STAU2: variants seen among roughly 807,000 people sequenced by gnomAD.
STAU2 encodes staufen double-stranded RNA binding protein 2.
Under a neutral mutation model 65.9 loss-of-function variants are expected in STAU2, and 20 were observed. The ratio of observed to expected loss-of-function variants is 0.30; its 90% CI spans 0.21 to 0.44. The LOEUF (loss-of-function observed/expected upper bound fraction) is 0.44, where lower values mean the gene tolerates loss of function less well. STAU2 is among the 20% of genes least tolerant of loss of function. STAU2 has a pLI of 1.00. For synonymous variants in STAU2, 232 were observed against 233.9 expected (o/e 0.99, Z 0.07); for missense variants, 558 against 683.9 (o/e 0.82, Z 2.05).
At chr8:73,688,526 G>A in intron 5 of STAU2, 128 bp downstream of exon 5, 3 of 761,398 alleles carry the variant, frequency 3.9e-6, no homozygotes, top group Non-Finnish European at 6.6e-6. Context: ...GTGTGTGTGT[G>A]TGTGTAGGTA....
At chr8:73,707,384 G>A (rs971358335) in intron 4 of STAU2, among the ~76,000 whole-genome samples, 30 of 152,214 alleles carry the variant, frequency 2.0e-4, no homozygotes, top group African/African-American at 7.2e-4. Context: ...GTAATGATAA[G>A]GTCAAGAATG....
At chr8:73,446,069 T>A (rs1818451029) in intron 13 of STAU2, among the ~76,000 whole-genome samples, 1 of 152,222 alleles carries the variant, frequency 6.6e-6, no homozygotes, top group Admixed American at 6.5e-5. Flanking sequence ...TGTGGTGGGT[T>A]ACAAATTGTG....
chr8:73,492,956 T>A (rs1439799037), intron 13 of STAU2, among the ~76,000 whole-genome samples: 4 of 151,784 alleles, frequency 2.6e-5, no homozygotes. Context: ...AAAGCTACAG[T>A]AGTAATAGCA....
intron 4 of STAU2, among the ~76,000 whole-genome samples, chr8:73,696,282 A>T (rs992454647): frequency 5.3e-5 from 8 of 152,160 alleles, no homozygotes; most frequent in Non-Finnish European, 7.3e-5. Context: ...ACAAACTCAG[A>T]CTCTGAAGAC....
At chr8:73,577,840 T>C (rs763685763) in intron 12 of STAU2, among the ~76,000 whole-genome samples, 2 of 152,236 alleles carry the variant, frequency 1.3e-5, no homozygotes, top group Non-Finnish European at 2.9e-5. Context: ...CATGATTTCT[T>C]ATCTGCTCTT....
chr8:73,688,693 C>T lies in STAU2; in HGVS notation c.235G>A (p.Val79Ile). 1.2e-6 allele frequency: 2 copies of T among 1,614,092 alleles called. No individual in the cohort carries two copies. The highest frequency in any genetic ancestry group is 2.2e-5 in the South Asian group (2 of 91,082). The change falls in exon 5 of 15, where the codon GTT becomes ATT. Residue 79 changes from valine to isoleucine, a missense_variant. Coordinates refer to ENST00000524300, the MANE Select transcript of STAU2 (RefSeq NM_001164380.2). ...ACATTACTTTTGGGTGGCTTCTGAA[C>T]TGGTTTGGGAAGCGTAGATTCAGTC... ...ALTESTLPKP[V>I]QKPPKSNVNN... is the part of the protein sequence containing the mutation.
chr8:73,475,107 T>C (rs1057275331), intron 13 of STAU2, among the ~76,000 whole-genome samples: 1 of 152,006 alleles, frequency 6.6e-6, no homozygotes, highest in Admixed American at 6.6e-5. Flanking sequence ...GTGGTGACCT[T>C]TGGGGAGAGG....
At chr8:73,597,526 C>T (rs1811285528) in intron 10 of STAU2, among the ~76,000 whole-genome samples, 1 of 150,160 alleles carries the variant, frequency 6.7e-6, no homozygotes, top group Non-Finnish European at 1.5e-5. Context: ...AAAAATTAGC[C>T]AGGCATGATG....
intron 6 of STAU2, among the ~76,000 whole-genome samples, chr8:73,668,027 T>C (rs1036866189): frequency 6.6e-6 from 1 of 152,190 alleles, no homozygotes; most frequent in Non-Finnish European, 1.5e-5. Flanking sequence ...AGGTTGGACA[T>C]ATAACCCAGG....
At chr8:73,739,313 T>A (rs1806666218) in intron 2 of STAU2, among the ~76,000 whole-genome samples, 1 of 150,070 alleles carries the variant, frequency 6.7e-6, no homozygotes, top group Non-Finnish European at 1.5e-5. Flanking sequence ...AATAAATAAA[T>A]CATGGGATCT....
At chr8:73,515,398 C>T (rs1458789526) in intron 13 of STAU2, among the ~76,000 whole-genome samples, 4 of 152,210 alleles carry the variant, frequency 2.6e-5, no homozygotes, top group Admixed American at 1.3e-4. Context: ...CTCTGGATTT[C>T]ATAATGGCTA....
intron 13 of STAU2, among the ~76,000 whole-genome samples, chr8:73,448,172 T>A (rs1026930325): frequency 3.3e-5 from 5 of 152,222 alleles, no homozygotes; most frequent in Non-Finnish European, 7.3e-5. Context: ...CAGGTACCCA[T>A]GAGTGTTAAA....
At chr8:73,467,368 T>C (rs1173840846) in intron 13 of STAU2, among the ~76,000 whole-genome samples, 1 of 152,012 alleles carries the variant, frequency 6.6e-6, no homozygotes, top group Non-Finnish European at 1.5e-5. Context: ...CCGTCTCTAC[T>C]AAAAATACAA....
intron 6 of STAU2, among the ~76,000 whole-genome samples, chr8:73,640,258 A>G (rs1814853996): frequency 6.6e-6 from 1 of 152,074 alleles, no homozygotes; most frequent in South Asian, 2.1e-4. Flanking sequence ...AAATTAGAAT[A>G]AAATATACAA....
At chr8:73,464,355 A>G (rs1279990055) in intron 13 of STAU2, among the ~76,000 whole-genome samples, 1 of 152,124 alleles carries the variant, frequency 6.6e-6, no homozygotes, top group Non-Finnish European at 1.5e-5. Context: ...AGAGGGTGAC[A>G]CCTATTCTCT....
chr8:73,697,988 G>C (rs1377272927), intron 4 of STAU2, among the ~76,000 whole-genome samples: 1 of 152,098 alleles, frequency 6.6e-6, no homozygotes, highest in Non-Finnish European at 1.5e-5. Context: ...GCTGAGGCAT[G>C]AGAATCGCTT....
At chr8:73,429,420 T>TC (rs1817091385) in intron 13 of STAU2, among the ~76,000 whole-genome samples, 2 of 80,276 alleles carry the variant, frequency 2.5e-5, no homozygotes, top group Non-Finnish European at 4.3e-5. Context: ...GGTCTTTTTT[T>TC]TTTTTTTTTT....
chr8:73,657,160 G>A (rs566142929), intron 6 of STAU2, among the ~76,000 whole-genome samples: 1 of 152,096 alleles, frequency 6.6e-6, no homozygotes, highest in Non-Finnish European at 1.5e-5. Context: ...GTACAACACA[G>A]ATCAAGTGGA....
intron 6 of STAU2, among the ~76,000 whole-genome samples, chr8:73,660,826 T>G (rs1164841532): frequency 6.6e-6 from 1 of 152,120 alleles, no homozygotes; most frequent in African/African-American, 2.4e-5. Flanking sequence ...GCCAAAAATA[T>G]CCATATGCAA....
Sources: allele counts gnomAD v4.1 joint callset (sites outside exome capture counted in the v4.1 genomes callset), GRCh38; gene constraint gnomAD v4.1.1; transcripts MANE v1.5; gene names NCBI Gene and HGNC (gene_info 2026-07-23, HGNC 2026-07-21).